The following NECTIN1 variants were observed in gnomAD, a reference collection of about 807,000 sequenced individuals.
NECTIN1 encodes nectin-1.
NECTIN1 carries 23 observed loss-of-function variants against 48.0 expected under a neutral mutation model. The ratio of observed to expected loss-of-function variants is 0.48; its 90% CI spans 0.34 to 0.68. The LOEUF (loss-of-function observed/expected upper bound fraction) is 0.68. NECTIN1 is among the 30% of genes least tolerant of loss of function. NECTIN1 has a pLI of 0.01. For missense variants in NECTIN1, 591 were observed against 709.9 expected, an observed-to-expected ratio of 0.83 and a Z score of 1.90; for synonymous variants, 270 against 288.9, an observed-to-expected ratio of 0.93 and a Z score of 0.66.
chr11:119,651,963 C>T, intron 5 of NECTIN1, among the ~76,000 whole-genome samples: 1 of 152,142 alleles, frequency 6.6e-6, no homozygotes, highest in East Asian at 1.9e-4. Flanking sequence ...TGCTCAAGGT[C>T]ACCTGGTGAG....
chr11:119,657,175 G>A (rs1315567003), downstream of NECTIN1, among the ~76,000 whole-genome samples: 2 of 152,170 alleles, frequency 1.3e-5, no homozygotes, highest in East Asian at 3.9e-4. Context: ...CCCTATGTGT[G>A]TTAACTCATG....
exon 6 of NECTIN1, chr11:119,639,948 C>T (rs758962540): frequency 1.9e-6 from 3 of 1,614,162 alleles, no homozygotes; most frequent in Admixed American, 1.7e-5. Flanking sequence ...GGATGAGGAA[C>T]ACGGCCACGG....
chr11:119,689,727 C>A (rs1865219369), intron 1 of NECTIN1, among the ~76,000 whole-genome samples: 4 of 152,200 alleles, frequency 2.6e-5, no homozygotes, highest in Non-Finnish European at 5.9e-5. Context: ...GGGCTCTCGA[C>A]CCCATCCCCT....
intron 5 of NECTIN1, among the ~76,000 whole-genome samples, chr11:119,651,775 G>A (rs966956080): frequency 1.3e-5 from 2 of 152,168 alleles, no homozygotes; most frequent in South Asian, 4.1e-4. Flanking sequence ...GGAGTGGGGT[G>A]CGGTGATTCA....
chr11:119,667,643 C>T (rs903469919), intron 5 of NECTIN1, among the ~76,000 whole-genome samples: 22 of 152,170 alleles, frequency 1.4e-4, no homozygotes, highest in African/African-American at 4.3e-4. Flanking sequence ...TACAAGATTC[C>T]GTGGTTCTCG....
intron 5 of NECTIN1, chr11:119,641,709 G>C (rs570717624): frequency 6.6e-6 from 1 of 152,326 alleles, no homozygotes; most frequent in African/African-American, 2.4e-5. Flanking sequence ...CTCTCTTTCA[G>C]TCTCTTTTCT....
intron 5 of NECTIN1, chr11:119,641,208 C>T (rs35729926): frequency 0.032 from 4,887 of 152,334 alleles, 114 homozygotes; most frequent in Middle Eastern, 0.099. Context: ...TGGCTGTGGC[C>T]GCCTTTGGAA....
At chr11:119,649,889 G>C (rs529734857) in intron 5 of NECTIN1, among the ~76,000 whole-genome samples, 4 of 152,282 alleles carry the variant, frequency 2.6e-5, no homozygotes, top group African/African-American at 4.8e-5. Context: ...GGCCACTGAG[G>C]GTTTCATGTG....
rs1290700201 is a variant in NECTIN1, at chr11:119,709,055, C to CA, written c.79+19419dup. 6.6e-6 allele frequency among the ~76,000 whole-genome samples: 1 copy of CA among 152,046 alleles called. No individual in the cohort carries two copies. Among genetic ancestry groups the CA allele is most frequent in the Non-Finnish European group, 1.5e-5 (1 of 67,988 alleles). On this transcript the variant is annotated intron_variant, in intron 1 of 5. Transcript: ENST00000264025. This position sits in a 1 kb window ranked among gnomAD's most constrained non-coding sequence, Gnocchi z 4.1. Reference sequence around the variant, plus strand: ...AGAGATCCTGAGACACTCTACCCCCCACGCCCGCCCACATAGCCAACATAT... The same window carrying CA: ...AGAGATCCTGAGACACTCTACCCCCCAACGCCCGCCCACATAGCCAACATAT...
chr11:119,697,748 C>T (rs544869232), intron 1 of NECTIN1, among the ~76,000 whole-genome samples: 1 of 152,334 alleles, frequency 6.6e-6, no homozygotes, highest in South Asian at 2.1e-4. Flanking sequence ...CACTGTGCTC[C>T]CTTTCAGACT....
chr11:119,650,662 G>A (rs117525714), intron 5 of NECTIN1, among the ~76,000 whole-genome samples: 11 of 152,308 alleles, frequency 7.2e-5, no homozygotes, highest in Non-Finnish European at 1.2e-4. Context: ...TTAGAGACAC[G>A]GATTCTGGGG....
At chr11:119,657,014 G>A (rs1351311222), downstream of NECTIN1, among the ~76,000 whole-genome samples, 2 of 152,202 alleles carry the variant, frequency 1.3e-5, no homozygotes, top group African/African-American at 2.4e-5. Context: ...CGAGGATTAC[G>A]GGTGTGGCTC....
Position 119,665,843 on chromosome 11 carries a change from G to A in NECTIN1, c.1004-546C>T, listed in dbSNP as rs141553359. 6.4e-4 allele frequency among the ~76,000 whole-genome samples: 97 copies of A among 152,290 alleles called. No homozygotes were observed. The highest frequency in any genetic ancestry group is 1.9e-3 in the African/African-American group (78 of 41,566). ...CTGCCAGACACCTGGCAGTCACTCT[G>A]CCCCAACACTATCAACTTGGCTTCC... On this transcript the variant is annotated intron_variant, in intron 5 of 5. Coordinates refer to ENST00000264025, the MANE Select transcript of NECTIN1 (RefSeq NM_002855.5). The surrounding 1 kb of genome is among the most constrained non-coding windows in gnomAD (Gnocchi z 5.1).
At position 119,677,257 on chromosome 11, in the gene NECTIN1, G is replaced by C. The variant is rs1317258666; in HGVS notation, c.734-38C>G. ...GGATGTTTGAAGAGGGTGAGGTCAGGAGAGCGGGACTTAGAACAAGGGAAC... is the reference window on the plus strand; with the variant it reads ...GGATGTTTGAAGAGGGTGAGGTCAGCAGAGCGGGACTTAGAACAAGGGAAC... On this transcript the variant is annotated intron_variant, in intron 3 of 5. Coordinates refer to ENST00000264025, the MANE Select transcript of NECTIN1 (RefSeq NM_002855.5). This position sits in a 1 kb window ranked among gnomAD's most constrained non-coding sequence, Gnocchi z 5.4. 1.3e-6 allele frequency: 2 copies of C among 1,558,294 alleles called. No individual in the cohort carries two copies. Among genetic ancestry groups the C allele is most frequent in the African/African-American group, 2.7e-5 (2 of 73,714 alleles).
At chr11:119,675,114 G>C (rs564492848) in intron 5 of NECTIN1, 45 bp downstream of exon 5, 1 of 1,612,474 alleles carries the variant, frequency 6.2e-7, no homozygotes, top group South Asian at 1.1e-5. Context: ...AGGTGGCGAA[G>C]GAACCCGTGG....
chr11:119,667,335 T>C (rs925320546), intron 5 of NECTIN1, among the ~76,000 whole-genome samples: 4 of 152,158 alleles, frequency 2.6e-5, no homozygotes, highest in Non-Finnish European at 4.4e-5. Flanking sequence ...TGTCTACACC[T>C]GCCTTCCTCT....
At chr11:119,722,875 A>C (rs1031811688) in intron 1 of NECTIN1, among the ~76,000 whole-genome samples, 1 of 152,266 alleles carries the variant, frequency 6.6e-6, no homozygotes, top group East Asian at 1.9e-4. Context: ...ATGCCTGGCA[A>C]TGTGCTACGC....
intron 1 of NECTIN1, among the ~76,000 whole-genome samples, chr11:119,702,605 C>A (rs575275794): frequency 1.3e-5 from 2 of 152,322 alleles, no homozygotes; most frequent in Admixed American, 1.3e-4. Context: ...CTCAGTTATA[C>A]AGCAGAGAAG....
chr11:119,654,198 G>A (rs953894294), intron 5 of NECTIN1: 2 of 152,134 alleles, frequency 1.3e-5, no homozygotes, highest in African/African-American at 4.8e-5. Context: ...CCTGCTTAGA[G>A]GTGGCACACA....
Sources: allele counts gnomAD v4.1 joint callset (sites outside exome capture counted in the v4.1 genomes callset), GRCh38; gene constraint gnomAD v4.1.1; non-coding constraint Gnocchi (gnomAD v3.1); transcripts MANE v1.5; gene names NCBI Gene and HGNC (gene_info 2026-07-23, HGNC 2026-07-21).